The following NRG3 variants were observed in gnomAD, a reference collection of about 807,000 sequenced individuals.
The protein encoded by NRG3 is neuregulin 3.
Under a neutral mutation model 66.9 loss-of-function variants are expected in NRG3, and 31 were observed. The ratio of observed to expected loss-of-function variants is 0.46; its 90% CI spans 0.35 to 0.63. The LOEUF (loss-of-function observed/expected upper bound fraction) is 0.63, where lower values mean the gene tolerates loss of function less well. Among genes scored for constraint, NRG3 ranks in the 20% least tolerant of loss-of-function variants. The pLI is 0.00. For synonymous variants in NRG3, 393 were observed against 359.4 expected, an observed-to-expected ratio of 1.09 and a Z score of -1.06; for missense variants, 910 against 878.9, an observed-to-expected ratio of 1.04 and a Z score of -0.45.
At chr10:82,019,165 G>A (rs1462851128) in intron 1 of NRG3, among the ~76,000 whole-genome samples, 2 of 152,016 alleles carry the variant, frequency 1.3e-5, no homozygotes, top group African/African-American at 4.8e-5. Flanking sequence ...AATTTTGTCA[G>A]AGGCCTTTTC....
chr10:82,608,059 G>C lies in NRG3; in HGVS notation c.954-130518G>C, dbSNP rs77621901. Among the ~76,000 whole-genome samples, 1,642 of 151,928 alleles carry C rather than the reference G, an allele frequency of 0.011. 59 individuals are homozygous for C. In the East Asian group the frequency reaches 0.14, roughly 13 times the overall value. On this transcript the variant is annotated intron_variant, in intron 2 of 8. Transcript: ENST00000372141. ...TCTTCCCTTCTTTTTATAGATCTCA[G>C]TTTCTGACTTATACCATGTAAGTTT...
intron 1 of NRG3, among the ~76,000 whole-genome samples, chr10:81,925,735 A>C (rs1277962180): frequency 5.0e-5 from 6 of 119,350 alleles, no homozygotes; most frequent in Admixed American, 8.6e-5. Context: ...TTTTCTGAAA[A>C]AACTTTTTTT....
intron 1 of NRG3, among the ~76,000 whole-genome samples, chr10:82,313,809 G>A (rs1489553634): frequency 2.0e-5 from 3 of 152,128 alleles, no homozygotes; most frequent in African/African-American, 7.2e-5. Context: ...AAGGCTTGGG[G>A]GAAAACAGAA....
chr10:82,769,286 G>T (rs2059627471), intron 3 of NRG3, among the ~76,000 whole-genome samples: 2 of 151,970 alleles, frequency 1.3e-5, no homozygotes, highest in Admixed American at 1.3e-4. Context: ...CCAGTTCAAA[G>T]GCTGAGTTGT....
chr10:82,259,904 C>G (rs2077930540), intron 1 of NRG3, among the ~76,000 whole-genome samples: 1 of 151,672 alleles, frequency 6.6e-6, no homozygotes, highest in Admixed American at 6.6e-5. Flanking sequence ...TGCACTCCAA[C>G]CTGGGTGACA....
At chr10:82,101,403 T>G (rs989283652) in intron 1 of NRG3, among the ~76,000 whole-genome samples, 1 of 151,992 alleles carries the variant, frequency 6.6e-6, no homozygotes, top group Admixed American at 6.5e-5. Flanking sequence ...GCTCCTCATT[T>G]TCTAGTTTCT....
In NRG3 at chr10:82,985,672, A is replaced by T; in HGVS notation, c.*67A>T. On this transcript the variant is annotated 3_prime_UTR_variant, in exon 9 of 9. Transcript: ENST00000372141. ...AGGAAAGAGAGGAAATCAAATACAAATTATTTATATGCATTAATTTAAGAG... is the reference window on the plus strand; with the variant it reads ...AGGAAAGAGAGGAAATCAAATACAATTTATTTATATGCATTAATTTAAGAG... 6.7e-7 allele frequency: 1 copy of T among 1,484,494 alleles called. No individual in the cohort carries two copies. Among genetic ancestry groups the T allele is most frequent in the Non-Finnish European group, 9.0e-7 (1 of 1,105,466 alleles). The allele number at this position is 1,484,494 out of a possible 1,614,324, so 92.0% of individuals were successfully genotyped here.
chr10:82,109,792 C>T (rs1193137986), intron 1 of NRG3, among the ~76,000 whole-genome samples: 2 of 152,188 alleles, frequency 1.3e-5, no homozygotes, highest in Admixed American at 6.6e-5. Context: ...AACAAGCCTT[C>T]AAATTCAGTA....
At chr10:82,535,238 T>C (rs1847701308) in intron 2 of NRG3, among the ~76,000 whole-genome samples, 1 of 149,124 alleles carries the variant, frequency 6.7e-6, no homozygotes, top group South Asian at 2.1e-4. Context: ...GTGAGGAAAA[T>C]TATATACACA....
chr10:82,301,923 G>A (rs1214018068), intron 1 of NRG3, among the ~76,000 whole-genome samples: 1 of 151,598 alleles, frequency 6.6e-6, no homozygotes, highest in African/African-American at 2.4e-5. Context: ...AAATGGCTTG[G>A]TTCTGTTTAA....
chr10:82,361,350 G>C (rs559982539), intron 2 of NRG3, among the ~76,000 whole-genome samples: 1 of 152,128 alleles, frequency 6.6e-6, no homozygotes, highest in Non-Finnish European at 1.5e-5. Context: ...ATTGGAACTC[G>C]AGTAGGTTAA....
chr10:82,638,485 C>T (rs929999962), intron 2 of NRG3, among the ~76,000 whole-genome samples: 5 of 151,998 alleles, frequency 3.3e-5, no homozygotes, highest in African/African-American at 7.2e-5. Flanking sequence ...TTACATTTGC[C>T]CGGTTTGACC....
intron 4 of NRG3, among the ~76,000 whole-genome samples, chr10:82,932,836 A>G (rs1847703668): frequency 6.6e-6 from 1 of 152,158 alleles, no homozygotes; most frequent in Non-Finnish European, 1.5e-5. Context: ...GTGATCCAGG[A>G]TGAAGACACA....
At chr10:82,650,335 C>A (rs2051313077) in intron 2 of NRG3, among the ~76,000 whole-genome samples, 1 of 152,152 alleles carries the variant, frequency 6.6e-6, no homozygotes, top group Non-Finnish European at 1.5e-5. Context: ...CTTGCAGCTT[C>A]CAGCTCCTCC....
At chr10:82,395,249 A>G (rs2086644365) in intron 2 of NRG3, among the ~76,000 whole-genome samples, 1 of 152,134 alleles carries the variant, frequency 6.6e-6, no homozygotes, top group African/African-American at 2.4e-5. Flanking sequence ...GGTCACTGAT[A>G]TATCAAGCTT....
intron 4 of NRG3, among the ~76,000 whole-genome samples, chr10:82,931,621 G>C (rs952308260): frequency 2.6e-5 from 4 of 152,070 alleles, no homozygotes; most frequent in Non-Finnish European, 5.9e-5. Flanking sequence ...AACCTTCATT[G>C]ACTCTTCTAT....
chr10:82,590,966 C>G (rs1001079207), intron 2 of NRG3, among the ~76,000 whole-genome samples: 1 of 152,180 alleles, frequency 6.6e-6, no homozygotes, highest in Non-Finnish European at 1.5e-5. Flanking sequence ...CCCATTCCAT[C>G]AAGACATCAG....
intron 4 of NRG3, among the ~76,000 whole-genome samples, chr10:82,870,171 C>A (rs970983766): frequency 6.6e-6 from 1 of 151,806 alleles, no homozygotes; most frequent in Non-Finnish European, 1.5e-5. Context: ...CCTGGCCCCA[C>A]TAGTCTTTTT....
At chr10:82,897,721 T>C (rs1198400558) in intron 4 of NRG3, among the ~76,000 whole-genome samples, 3 of 152,146 alleles carry the variant, frequency 2.0e-5, no homozygotes, top group Non-Finnish European at 4.4e-5. Flanking sequence ...GGTTTCACCA[T>C]GTTGGCCAGA....
Sources: gnomAD v4.1 joint callset for allele counts (sites outside exome capture counted in the v4.1 genomes callset) on GRCh38, gnomAD v4.1.1 for gene constraint, MANE v1.5 for transcripts, NCBI Gene and HGNC (gene_info 2026-07-23, HGNC 2026-07-21) for gene names.